UBE2E2: variants seen among roughly 807,000 people sequenced by gnomAD.
UBE2E2 encodes the protein ubiquitin-conjugating enzyme E2 E2.
In UBE2E2, 6 loss-of-function variants were observed where a neutral mutation model predicts 24.7. The observed-to-expected ratio is 0.24, with a 90% confidence interval of 0.13 to 0.48. The LOEUF is 0.48. Ranked by LOEUF, UBE2E2 falls within the 20% of genes least tolerant of loss-of-function variation. UBE2E2 has a pLI of 0.99. For synonymous variants in UBE2E2, 104 were observed against 83.6 expected, an observed-to-expected ratio of 1.24 and a Z score of -1.33; for missense variants, 169 against 245.0, an observed-to-expected ratio of 0.69 and a Z score of 2.07.
intron 3 of UBE2E2, among the ~76,000 whole-genome samples, chr3:23,459,329 GC>G (rs2125423733): frequency 6.6e-6 from 1 of 152,286 alleles, no homozygotes; most frequent in South Asian, 2.1e-4. Flanking sequence ...CATTGACAAG[GC>G]AGATGTGACT....
chr3:23,398,612 AT>A (rs1231934572), intron 3 of UBE2E2, among the ~76,000 whole-genome samples: 2 of 152,172 alleles, frequency 1.3e-5, no homozygotes, highest in South Asian at 2.1e-4. Context: ...TTAAGTGAAC[AT>A]TTCATCTTAA....
At chr3:23,432,996 T>C (rs1011068404) in intron 3 of UBE2E2, among the ~76,000 whole-genome samples, 4 of 152,000 alleles carry the variant, frequency 2.6e-5, no homozygotes, top group Admixed American at 6.6e-5. Flanking sequence ...TTTCAGCTTA[T>C]GATGCCATTA....
chr3:23,213,073 G>A (rs978580997), intron 2 of UBE2E2, among the ~76,000 whole-genome samples: 7 of 152,082 alleles, frequency 4.6e-5, no homozygotes, highest in African/African-American at 1.7e-4. Context: ...GGTTGACTGA[G>A]GAATGTAGTC....
chr3:23,449,736 C>A, intron 3 of UBE2E2: 1 of 467,686 alleles, frequency 2.1e-6, no homozygotes, highest in Non-Finnish European at 2.8e-6. Context: ...GTTCTAAAAA[C>A]TTATCTCATA....
At chr3:23,323,429 C>G (rs1190530718) in intron 3 of UBE2E2, 2 of 328,078 alleles carry the variant, frequency 6.1e-6, no homozygotes, top group South Asian at 2.4e-5. Context: ...TGGCATGACC[C>G]CAGGGCTAGC....
At chr3:23,249,356 C>A (rs1489747598) in intron 3 of UBE2E2, among the ~76,000 whole-genome samples, 3 of 151,542 alleles carry the variant, frequency 2.0e-5, no homozygotes, top group African/African-American at 7.3e-5. Flanking sequence ...GTCAGCAGAG[C>A]TGAAGCCAAG....
intron 3 of UBE2E2, among the ~76,000 whole-genome samples, chr3:23,274,935 CTTGTT>C (rs1698344394): frequency 6.6e-6 from 1 of 152,050 alleles, no homozygotes; most frequent in Non-Finnish European, 1.5e-5. Flanking sequence ...TTACAGCTAA[CTTGTT>C]TAGAGTGCTG....
At chr3:23,296,352 A>C (rs565128651) in intron 3 of UBE2E2, among the ~76,000 whole-genome samples, 93 of 152,070 alleles carry the variant, frequency 6.1e-4, no homozygotes, top group African/African-American at 2.1e-3. Flanking sequence ...TTTAGGGTAC[A>C]TGTGCACGAC....
At chr3:23,433,388 T>C (rs1698110359) in intron 3 of UBE2E2, among the ~76,000 whole-genome samples, 1 of 151,970 alleles carries the variant, frequency 6.6e-6, no homozygotes, top group African/African-American at 2.4e-5. Flanking sequence ...TGCTTCTAGA[T>C]AAATAGTGAT....
At chr3:23,461,783 C>T (rs930162077) in intron 3 of UBE2E2, among the ~76,000 whole-genome samples, 2 of 152,126 alleles carry the variant, frequency 1.3e-5, no homozygotes, top group Non-Finnish European at 2.9e-5. Flanking sequence ...ATACTTGTTA[C>T]ATTTTGAATA....
At chr3:23,203,271 GGGC>G (rs982837153), upstream of UBE2E2, 705 of 987,988 alleles carry the variant, frequency 7.1e-4, no homozygotes, top group Non-Finnish European at 8.1e-4. Context: ...GGGTGAGTCC[GGGC>G]GGGCGCGAGC....
intron 3 of UBE2E2, among the ~76,000 whole-genome samples, chr3:23,348,997 C>G (rs12630883): frequency 6.6e-6 from 1 of 151,980 alleles, no homozygotes; most frequent in Non-Finnish European, 1.5e-5. Flanking sequence ...ACCACCCCCC[C>G]ACCACCTCCC....
intron 3 of UBE2E2, among the ~76,000 whole-genome samples, chr3:23,393,744 A>G (rs954985683): frequency 2.0e-5 from 3 of 152,204 alleles, no homozygotes; most frequent in Admixed American, 2.0e-4. Context: ...TGGACAGTCC[A>G]CAAGCTAAAA....
At chr3:23,401,660 G>T (rs978599649) in intron 3 of UBE2E2, among the ~76,000 whole-genome samples, 1 of 151,942 alleles carries the variant, frequency 6.6e-6, no homozygotes, top group Non-Finnish European at 1.5e-5. Context: ...CATAGCCAGA[G>T]AACTTCATTA....
chr3:23,466,487 G>A (rs76498164), intron 3 of UBE2E2, among the ~76,000 whole-genome samples: 4,399 of 152,282 alleles, frequency 0.029, 224 homozygotes, highest in African/African-American at 0.099. Flanking sequence ...GTCCCTTGCA[G>A]AATATTTTGT....
chr3:23,402,154 C>G (rs1020302300), intron 3 of UBE2E2, among the ~76,000 whole-genome samples: 3 of 152,054 alleles, frequency 2.0e-5, no homozygotes, highest in East Asian at 1.9e-4. Flanking sequence ...GCGCCCGACC[C>G]CAATCTTATA....
chr3:23,267,534 AAC>A (rs1301255282), intron 3 of UBE2E2, among the ~76,000 whole-genome samples: 1 of 152,152 alleles, frequency 6.6e-6, no homozygotes, highest in African/African-American at 2.4e-5. Context: ...ATAGACCAAT[AAC>A]AGACTCTGAA....
chr3:23,343,157 T>C (rs1445891300), intron 3 of UBE2E2, among the ~76,000 whole-genome samples: 1 of 152,060 alleles, frequency 6.6e-6, no homozygotes, highest in Admixed American at 6.5e-5. Context: ...TTTTAAAATA[T>C]CTTAAGGTAC....
At chr3:23,445,061 T>C (rs187666638) in intron 3 of UBE2E2, among the ~76,000 whole-genome samples, 232 of 152,332 alleles carry the variant, frequency 1.5e-3, no homozygotes, top group African/African-American at 5.3e-3. Context: ...TGAGTAATGA[T>C]GTCATATTGA....
Sources: allele counts gnomAD v4.1 joint callset (sites outside exome capture counted in the v4.1 genomes callset), GRCh38; gene constraint gnomAD v4.1.1; transcripts MANE v1.5; gene names NCBI Gene and HGNC (gene_info 2026-07-23, HGNC 2026-07-21).